The following ZNF534 variants were observed in gnomAD, a reference collection of about 807,000 sequenced individuals.
ZNF534 encodes the protein zinc finger protein 534, also known as KRAB domain only 3.
ZNF534 carries 19 observed loss-of-function variants against 13.6 expected under a neutral mutation model. The observed-to-expected ratio is 1.40, with a 90% CI of 0.97 to 2.05. The LOEUF (loss-of-function observed/expected upper bound fraction) is 2.05. ZNF534 is among the 30% of genes most tolerant of loss of function. The probability of loss-of-function intolerance (pLI) is 0.00; values close to 1 mark genes in which losing one functional copy is unlikely to be tolerated. For missense variants in ZNF534, 782 were observed against 796.3 expected, an observed-to-expected ratio of 0.98 and a Z score of 0.22; for synonymous variants, 244 against 273.8, an observed-to-expected ratio of 0.89 and a Z score of 1.07.
At chr19:52,434,234 G>A (rs2608546) in intron 3 of ZNF534, 153 bp downstream of exon 3, 178,229 of 1,142,900 alleles carry the variant, frequency 0.16, 19,167 homozygotes, top group African/African-American at 0.43. Context: ...AGTGGCTCAC[G>A]CCTGTAATCC....
In ZNF534 at chr19:52,433,368, C is replaced by CT. The variant is rs3070431; in HGVS notation, c.16-582dup. ...AAAATAAAACCTAACATTTCTTTCT[C>CT]TTTTTGGGGGGGGGAGGGGACGGAG... On this transcript the variant is annotated intron_variant, in intron 2 of 4. Coordinates refer to ENST00000433050, the MANE Select transcript of ZNF534 (RefSeq NM_001143938.3). 5.4e-4 allele frequency among the ~76,000 whole-genome samples: 81 copies of CT among 150,396 alleles called. 2 individuals are homozygous for CT. Among genetic ancestry groups the CT allele is most frequent in the African/African-American group, 1.0e-3 (42 of 40,838 alleles).
downstream of ZNF534, among the ~76,000 whole-genome samples, chr19:52,442,881 T>G (rs935084480): frequency 6.6e-6 from 1 of 152,368 alleles, no homozygotes; most frequent in Admixed American, 6.5e-5. Flanking sequence ...AAATGATGAC[T>G]GCTTGAAGCA....
chr19:52,443,569 G>A (rs756548246), downstream of ZNF534, among the ~76,000 whole-genome samples: 1 of 152,066 alleles, frequency 6.6e-6, no homozygotes, highest in Non-Finnish European at 1.5e-5. Context: ...GGCCAATATG[G>A]CGAAACCCCA....
chr19:52,435,909 A>T (rs73588042), intron 4 of ZNF534, among the ~76,000 whole-genome samples: 49 of 142,570 alleles, frequency 3.4e-4, no homozygotes, highest in Non-Finnish European at 5.8e-4. Context: ...AGTATTCTTC[A>T]TTGATGTTTT....
At chr19:52,435,723 T>C (rs563081300) in intron 4 of ZNF534, among the ~76,000 whole-genome samples, 4 of 152,156 alleles carry the variant, frequency 2.6e-5, no homozygotes, top group Admixed American at 1.3e-4. Context: ...CAGGCTGTAC[T>C]TGAACTCCTG....
downstream of ZNF534, among the ~76,000 whole-genome samples, chr19:52,445,754 ATGCAGGACTCCACACACT>A (rs2059192549): frequency 7.1e-5 from 1 of 14,086 alleles, no homozygotes; most frequent in Non-Finnish European, 1.6e-4. Flanking sequence ...AAAATTCATG[ATGCAGGACTCCACACACT>A]ACTGTCCATC....
At chr19:52,435,798 C>T (rs2059124675) in intron 4 of ZNF534, among the ~76,000 whole-genome samples, 1 of 152,146 alleles carries the variant, frequency 6.6e-6, no homozygotes, top group Non-Finnish European at 1.5e-5. Flanking sequence ...AGCCACTGTG[C>T]CCAGCCTCAC....
Position 52,450,019 on chromosome 19 carries a change from TA to T in ZNF534, c.272-1157del, listed in dbSNP as rs552811699. Among the ~76,000 whole-genome samples, 290 of 148,732 alleles carry T rather than the reference TA, an allele frequency of 1.9e-3. 2 individuals are homozygous for T. The highest frequency in any genetic ancestry group is 6.3e-3 in the African/African-American group (258 of 40,680). Reference sequence around the variant, plus strand: ...CTGGGCTACAGAGTGAGACTCCGTCTAAAAAAAAAAATTGCTATCGTGATGT... The same window carrying T: ...CTGGGCTACAGAGTGAGACTCCGTCTAAAAAAAAAATTGCTATCGTGATGT... On this transcript the variant is annotated intron_variant, in intron 4 of 4. Transcript: ENST00000301085.
At chr19:52,432,347 A>G (rs887714655) in intron 2 of ZNF534, among the ~76,000 whole-genome samples, 1 of 152,130 alleles carries the variant, frequency 6.6e-6, no homozygotes, top group African/African-American at 2.4e-5. Flanking sequence ...CTGTTACTTA[A>G]CTGTCTGATT....
In ZNF534 at chr19:52,437,698, G is replaced by A. The variant is rs771979468; in HGVS notation, c.272-34G>A. 7 of 1,517,672 alleles carry A rather than the reference G, an allele frequency of 4.6e-6. No homozygotes were observed. In the Admixed American group the frequency reaches 6.9e-5, roughly 15 times the overall value. The allele number at this position is 1,517,672 out of a possible 1,614,324, so 94.0% of individuals were successfully genotyped here. A position where few individuals can be genotyped will look rare whatever the true frequency, so the allele number is the denominator to read the frequency against. On this transcript the variant is annotated intron_variant, in intron 4 of 4. Coordinates refer to ENST00000433050, the MANE Select transcript of ZNF534 (RefSeq NM_001143938.3). ...GTCAGACTTTAAACATGCCAGAATC[G>A]GGATTAAGTTCTAAAATTTTCTTGC...
At chr19:52,430,730 G>A (rs1407561488) in intron 1 of ZNF534, among the ~76,000 whole-genome samples, 1 of 150,958 alleles carries the variant, frequency 6.6e-6, no homozygotes, top group Admixed American at 6.6e-5. Context: ...GTATTTTTAG[G>A]AGAGACGGGG....
chr19:52,451,759 T>G, exon 5 of ZNF534: 1 of 684,204 alleles, frequency 1.5e-6, no homozygotes, highest in Non-Finnish European at 2.7e-6. Flanking sequence ...AGATGAAGAT[T>G]ATAGAGGAAA....
rs2608502 is a variant in ZNF534, at chr19:52,441,022, C to T, written c.*1576C>T. The stretch of plus-strand genomic sequence containing the variant: ...GTTCAAGCAATTCTCCTGCCTCTAC[C>T]TCCCGAGTAGCTAGGACTACAAGCA... On this transcript the variant is annotated 3_prime_UTR_variant, in exon 5 of 5. Coordinates refer to ENST00000433050, the MANE Select transcript of ZNF534 (RefSeq NM_001143938.3). Among the ~76,000 whole-genome samples, 138,143 of 151,930 alleles carry T rather than the reference C, an allele frequency of 0.91. 63,208 individuals carry two copies. Among genetic ancestry groups the T allele is most frequent in the Non-Finnish European group, 0.96 (65,561 of 68,008 alleles).
At position 52,439,368 on chromosome 19, in the gene ZNF534, T is replaced by C. The variant is rs1191667490; in HGVS notation, c.1908T>C (p.Cys636=). The change falls in exon 5 of 5, where the codon TGT becomes TGC. Residue 636 remains cysteine, a synonymous_variant. Coordinates refer to ENST00000433050, the MANE Select transcript of ZNF534 (RefSeq NM_001143938.3). ...ATACTGGAGTGAAGCCTTACAGTTG[T>C]AATGAATGTGGCAAGGTCTTTAGTA... The part of the protein sequence containing the change: ...NIHTGVKPYS[C]NECGKVFSKN... The C allele has an allele frequency of 1.9e-6, 3 of 1,552,216 alleles. No homozygotes were observed. The highest frequency in any genetic ancestry group is 2.6e-6 in the Non-Finnish European group (3 of 1,147,230).
chr19:52,449,880 C>T (rs1007273722), intron 4 of ZNF534, among the ~76,000 whole-genome samples: 3 of 151,926 alleles, frequency 2.0e-5, no homozygotes, highest in South Asian at 2.1e-4. Flanking sequence ...GTTAGCCAGG[C>T]GTGGTGGTGT....
chr19:52,434,428 G>A (rs146820246), intron 3 of ZNF534, among the ~76,000 whole-genome samples: 1 of 130,474 alleles, frequency 7.7e-6, no homozygotes, highest in Non-Finnish European at 1.5e-5. Context: ...TCGCACCACT[G>A]CACTCCAGCC....
At position 52,441,571 on chromosome 19, in the gene ZNF534, A is replaced by G. The variant is rs2059172909; in HGVS notation, c.*2125A>G. On this transcript the variant is annotated 3_prime_UTR_variant, in exon 5 of 5. Transcript: ENST00000433050. ...AGTCACAAGTATTCCCTAACAAATCACTATAGAATTCATACTGCAGAGAAG... is the reference window on the plus strand; with the variant it reads ...AGTCACAAGTATTCCCTAACAAATCGCTATAGAATTCATACTGCAGAGAAG... Among the ~76,000 whole-genome samples, 2 of 152,178 alleles carry G rather than the reference A, an allele frequency of 1.3e-5. No individual in the cohort carries two copies. Among genetic ancestry groups the G allele is most frequent in the African/African-American group, 4.8e-5 (2 of 41,448 alleles).
Position 52,442,424 on chromosome 19 carries a change from T to A in ZNF534, c.*2978T>A, listed in dbSNP as rs903712121. Among the ~76,000 whole-genome samples, 2 of 152,254 alleles carry A rather than the reference T, an allele frequency of 1.3e-5. No homozygotes were observed. The highest frequency in any genetic ancestry group is 2.9e-5 in the Non-Finnish European group (2 of 68,044). ...TCCCTTTGTTTCCCATAAGGAATGC[T>A]TTTATGTAATCTATAATCAATAGAA... On this transcript the variant is annotated 3_prime_UTR_variant, in exon 5 of 5. Coordinates refer to ENST00000433050, the MANE Select transcript of ZNF534 (RefSeq NM_001143938.3).
At position 52,438,433 on chromosome 19, in the gene ZNF534, C is replaced by T; in HGVS notation, c.973C>T (p.Pro325Ser). 6.2e-7 allele frequency: 1 copy of T among 1,612,730 alleles called. No individual in the cohort carries two copies. The highest frequency in any genetic ancestry group is 1.1e-5 in the South Asian group (1 of 90,904). ...AHLVIHTGEK[P>S]YDCKECGKVF... ...TCTTGTAATCCATACTGGAGAGAAA[C>T]CTTATGATTGTAAGGAATGTGGCAA... is the stretch of plus-strand genomic sequence containing the variant. The change falls in exon 5 of 5, where the codon CCT becomes TCT. Residue 325 changes from proline to serine, a missense_variant. Physicochemically the swap from Pro to Ser is moderately conservative, Grantham distance 74. Coordinates refer to ENST00000433050, the MANE Select transcript of ZNF534 (RefSeq NM_001143938.3).
Sources: gnomAD v4.1 joint callset for allele counts (sites outside exome capture counted in the v4.1 genomes callset) on GRCh38, gnomAD v4.1.1 for gene constraint, MANE v1.5 for transcripts, NCBI Gene and HGNC (gene_info 2026-07-23, HGNC 2026-07-21) for gene names.